ABAT: variants seen among roughly 807,000 people sequenced by gnomAD.
ABAT encodes the protein 4-aminobutyrate aminotransferase, mitochondrial.
ABAT carries 45 observed loss-of-function variants against 64.6 expected under a neutral mutation model. That is an observed-to-expected ratio of 0.70 (90% CI 0.55 to 0.89). The LOEUF is 0.89. Ranked by LOEUF, ABAT falls within the 40% of genes least tolerant of loss-of-function variation. The probability of loss-of-function intolerance (pLI) is 0.00; values close to 1 mark genes in which losing one functional copy is unlikely to be tolerated. For missense variants in ABAT, 633 were observed against 658.4 expected (o/e 0.96, Z 0.42); for synonymous variants, 297 against 250.5 (o/e 1.19, Z -1.75).
At chr16:8,769,617 G>A (rs2060046705) in intron 11 of ABAT, among the ~76,000 whole-genome samples, 2 of 150,998 alleles carry the variant, frequency 1.3e-5, no homozygotes, top group African/African-American at 4.9e-5. Context: ...ATATCCCACA[G>A]GAAAAAATGG....
At chr16:8,735,622 A>G in intron 1 of ABAT, 77 bp from the exon 2 acceptor site, 2 of 1,140,030 alleles carry the variant, frequency 1.8e-6, no homozygotes, top group East Asian at 5.1e-5. Context: ...TTAGGTGGGA[A>G]GTGGTGGGGA....
At chr16:8,711,205 G>T (rs1456511003) in intron 1 of ABAT, among the ~76,000 whole-genome samples, 3 of 152,188 alleles carry the variant, frequency 2.0e-5, no homozygotes, top group Non-Finnish European at 4.4e-5. Flanking sequence ...AATGAATGAA[G>T]TGCCAGTTCC....
At chr16:8,682,118 C>G (rs866680760) in intron 1 of ABAT, among the ~76,000 whole-genome samples, 1 of 151,756 alleles carries the variant, frequency 6.6e-6, no homozygotes, top group African/African-American at 2.4e-5. Flanking sequence ...GGTTGAGAAT[C>G]ACCGGTTAGA....
intron 1 of ABAT, among the ~76,000 whole-genome samples, chr16:8,721,203 A>T (rs1289169053): frequency 1.3e-5 from 2 of 152,116 alleles, no homozygotes; most frequent in African/African-American, 2.4e-5. Flanking sequence ...AGGATGCAAG[A>T]TTGGGGAGAT....
intron 15 of ABAT, chr16:8,780,852 C>A: frequency 2.9e-6 from 1 of 341,810 alleles, no homozygotes; most frequent in South Asian, 3.1e-5. Context: ...ATAAGCAGAG[C>A]CTGTCCCTCC....
chr16:8,734,924 A>AG (rs1238277072), intron 1 of ABAT, among the ~76,000 whole-genome samples: 1 of 152,050 alleles, frequency 6.6e-6, no homozygotes, highest in East Asian at 1.9e-4. Flanking sequence ...AATGGCAATC[A>AG]GGGCTGGACA....
chr16:8,695,666 C>A (rs2057686351), intron 1 of ABAT, among the ~76,000 whole-genome samples: 1 of 152,070 alleles, frequency 6.6e-6, no homozygotes. Context: ...CACCACAGGG[C>A]CTTTCGGCTT....
rs187929750 is a variant in ABAT at position 8,776,423 on chromosome 16, G to A, written c.1202G>A (p.Arg401Gln). 70 of 1,614,186 alleles carry A rather than the reference G, an allele frequency of 4.3e-5. No individual in the cohort carries two copies. Among genetic ancestry groups the A allele is most frequent in the South Asian group, 3.2e-4 (29 of 91,088 alleles). ...GCTGAGGTCATCAACATCATCAAGC[G>A]GGAGGACCTGCTAAATAATGCAGCC... Reference protein sequence around the residue: ...LLAEVINIIKREDLLNNAAHA... With the variant: ...LLAEVINIIKQEDLLNNAAHA... Residue 401 changes from arginine to glutamine, a missense_variant, in exon 14 of 16, where the codon CGG (arginine) becomes CAG (glutamine). Physicochemically the swap from Arg to Gln is conservative, Grantham distance 43. Coordinates refer to ENST00000268251, the MANE Select transcript of ABAT (RefSeq NM_020686.6). The surrounding 1 kb of genome is among the most constrained non-coding windows in gnomAD (Gnocchi z 4.4).
chr16:8,716,094 T>C (rs890957539), intron 1 of ABAT, among the ~76,000 whole-genome samples: 2 of 152,198 alleles, frequency 1.3e-5, no homozygotes, highest in African/African-American at 4.8e-5. Context: ...GATTATCTCA[T>C]TTCATCCTCA....
chr16:8,743,444 T>C (rs1612383), intron 2 of ABAT, among the ~76,000 whole-genome samples: 2,806 of 117,508 alleles, frequency 0.024, 221 homozygotes, highest in African/African-American at 0.033. Context: ...TATATATATA[T>C]ACACACATTT....
At position 8,750,549 on chromosome 16, in the gene ABAT, G is replaced by A. The variant is rs764186580; in HGVS notation, c.316+10G>A. ...TCCTCTGTCCCCATAGGTAAGAGCT[G>A]GGAAATCATTCCTTGGATATAACCT... On this transcript the variant is annotated intron_variant, in intron 5 of 15. Transcript: ENST00000268251. 2 of 1,609,140 alleles carry A rather than the reference G, an allele frequency of 1.2e-6. No homozygotes were observed.
chr16:8,675,402 A>G (rs891438201), intron 1 of ABAT, among the ~76,000 whole-genome samples: 21 of 152,006 alleles, frequency 1.4e-4, no homozygotes, highest in African/African-American at 4.8e-4. Flanking sequence ...ACTCAGGAGC[A>G]GGGCAAAGGT....
chr16:8,766,329 G>T, intron 9 of ABAT, 59 bp downstream of exon 9: 2 of 1,540,300 alleles, frequency 1.3e-6, no homozygotes, highest in Non-Finnish European at 1.8e-6. Flanking sequence ...CCTCTCCCGG[G>T]CTGTTGCTGG....
chr16:8,684,537 T>G (rs1257947719), intron 1 of ABAT, among the ~76,000 whole-genome samples: 1 of 151,916 alleles, frequency 6.6e-6, no homozygotes, highest in South Asian at 2.1e-4. Flanking sequence ...GCAAGACCCC[T>G]CAAGACCCCT....
rs3743801 is a variant in ABAT at position 8,782,345 on chromosome 16, C to G, written c.*915C>G. ...CATCGCATCATGTTTCCCAGGGCAA[C>G]TTGAGGTCTGACTTTTGGCTCCCTC... On this transcript the variant is annotated 3_prime_UTR_variant, in exon 16 of 16. Coordinates refer to ENST00000268251, the MANE Select transcript of ABAT (RefSeq NM_020686.6). 63,185 of 152,226 alleles carry G rather than the reference C, an allele frequency of 0.42. 13,226 individuals are homozygous for G. The highest frequency in any genetic ancestry group is 0.46 in the Non-Finnish European group (31,552 of 68,158). 9.4% of individuals were successfully genotyped at this position (152,226 alleles called of 1,614,324 possible). A position where few individuals can be genotyped will look rare whatever the true frequency, so the allele number is the denominator to read the frequency against.
intron 1 of ABAT, among the ~76,000 whole-genome samples, chr16:8,699,096 G>T (rs1477590765): frequency 2.6e-5 from 4 of 152,160 alleles, no homozygotes; most frequent in Admixed American, 2.6e-4. Flanking sequence ...CTAACTTTTT[G>T]AGGAACCGCC....
intron 1 of ABAT, among the ~76,000 whole-genome samples, chr16:8,676,099 G>A (rs978989142): frequency 3.3e-5 from 5 of 152,164 alleles, no homozygotes. Context: ...CAGGAGAGAG[G>A]GAGGCAGTGA....
At chr16:8,778,318 C>T (rs2060326314) in intron 14 of ABAT, among the ~76,000 whole-genome samples, 1 of 152,150 alleles carries the variant, frequency 6.6e-6, no homozygotes, top group African/African-American at 2.4e-5. Flanking sequence ...CTTCTCGAGG[C>T]TCTGGGGGAG....
intron 1 of ABAT, among the ~76,000 whole-genome samples, chr16:8,732,807 G>C (rs896500640): frequency 6.7e-6 from 1 of 149,656 alleles, no homozygotes; most frequent in African/African-American, 2.5e-5. Context: ...GCCGGGCAGA[G>C]GCGCCCCTCA....
Sources: gnomAD v4.1 joint callset for allele counts (sites outside exome capture counted in the v4.1 genomes callset) on GRCh38, gnomAD v4.1.1 for gene constraint, Gnocchi (gnomAD v3.1) non-coding constraint, MANE v1.5 for transcripts, NCBI Gene and HGNC (gene_info 2026-07-23, HGNC 2026-07-21) for gene names.